The following GRIK3 variants were observed in gnomAD, a reference collection of about 807,000 sequenced individuals.
GRIK3 encodes glutamate receptor ionotropic, kainate 3.
A neutral mutation model predicts 102.5 loss-of-function variants in GRIK3; 29 were observed. The observed-to-expected ratio is 0.28, with a 90% CI of 0.21 to 0.39. The LOEUF is 0.39. GRIK3 is among the 10% of genes least tolerant of loss of function. GRIK3 has a pLI of 1.00. For missense variants in GRIK3, 908 were observed against 1,252.4 expected (o/e 0.73, Z 4.15); for synonymous variants, 511 against 504.9 (o/e 1.01, Z -0.16).
intron 1 of GRIK3, among the ~76,000 whole-genome samples, chr1:37,014,811 C>T (rs1176115320): frequency 6.6e-6 from 1 of 151,498 alleles, no homozygotes; most frequent in African/African-American, 2.4e-5. Flanking sequence ...ATCCCAGTAA[C>T]AGAACCCATT....
At chr1:36,919,534 C>T (rs772053223) in intron 1 of GRIK3, among the ~76,000 whole-genome samples, 3 of 152,084 alleles carry the variant, frequency 2.0e-5, no homozygotes, top group Non-Finnish European at 4.4e-5. Flanking sequence ...GCAGCAGGAA[C>T]GAGCCTGCTG....
rs1641117577 is a variant in GRIK3 at position 36,891,599 on chromosome 1, G to T, written c.116-503C>A. ...AATGCATAATAAAATAGCACCAGAA[G>T]AAATACTTCCTTGAAACTTTTTTAG... On this transcript the variant is annotated intron_variant, in intron 1 of 15. Coordinates refer to ENST00000373091, the MANE Select transcript of GRIK3 (RefSeq NM_000831.4). 2.0e-5 allele frequency among the ~76,000 whole-genome samples: 3 copies of T among 152,110 alleles called. No homozygotes were observed. In the South Asian group the frequency reaches 6.2e-4, roughly 31 times the overall value.
chr1:37,005,078 C>T (rs776063569), intron 1 of GRIK3, among the ~76,000 whole-genome samples: 7 of 152,192 alleles, frequency 4.6e-5, no homozygotes, highest in Non-Finnish European at 8.8e-5. Context: ...TGAGAGAACC[C>T]TCAATTCTAT....
intron 1 of GRIK3, among the ~76,000 whole-genome samples, chr1:36,971,969 C>G (rs999351460): frequency 2.0e-5 from 3 of 152,224 alleles, no homozygotes; most frequent in African/African-American, 7.2e-5. Context: ...AACCACTCCC[C>G]AGGGCCTGGC....
At chr1:36,811,713 CTT>C (rs1157670570) in intron 13 of GRIK3, among the ~76,000 whole-genome samples, 1 of 152,168 alleles carries the variant, frequency 6.6e-6, no homozygotes, top group Non-Finnish European at 1.5e-5. Flanking sequence ...CAGCCTGCCT[CTT>C]TGGTTTCTGT....
intron 1 of GRIK3, among the ~76,000 whole-genome samples, chr1:36,948,572 A>G (rs1641808893): frequency 6.6e-6 from 1 of 152,204 alleles, no homozygotes; most frequent in Non-Finnish European, 1.5e-5. Context: ...GGAAAATCAG[A>G]AAAAGGGAGA....
rs537437693 is a variant in GRIK3, at chr1:36,834,006, T to A, written c.1530+7730A>T. 3.9e-5 allele frequency among the ~76,000 whole-genome samples: 6 copies of A among 152,314 alleles called. No individual in the cohort carries two copies. The South Asian group carries it at 1.2e-3, about 32-fold the overall frequency. ...ACTGCTCTCTGATCTACAGGACCTGTCAGCCCAGGCCCCAGTCTGGGAACC... is the reference window on the plus strand; with the variant it reads ...ACTGCTCTCTGATCTACAGGACCTGACAGCCCAGGCCCCAGTCTGGGAACC... On this transcript the variant is annotated intron_variant, in intron 10 of 15. Transcript: ENST00000373091.
chr1:37,008,083 C>G (rs1642551164), intron 1 of GRIK3, among the ~76,000 whole-genome samples: 1 of 152,198 alleles, frequency 6.6e-6, no homozygotes, highest in Non-Finnish European at 1.5e-5. Context: ...CTTCTCTGAC[C>G]ACCACATATG....
At chr1:36,919,265 G>T (rs1018719992) in intron 1 of GRIK3, among the ~76,000 whole-genome samples, 4 of 151,354 alleles carry the variant, frequency 2.6e-5, no homozygotes, top group African/African-American at 9.8e-5. Context: ...CAGTGTTCAA[G>T]GGGAAGAAAA....
At chr1:36,856,390 G>A (rs926800659) in intron 7 of GRIK3, among the ~76,000 whole-genome samples, 7 of 152,212 alleles carry the variant, frequency 4.6e-5, no homozygotes, top group Non-Finnish European at 1.0e-4. Context: ...TGCGCTGCCC[G>A]CCCCCTCTAG....
rs950527835 is a variant in GRIK3, at chr1:36,850,320, G to A, written c.1317C>T (p.Thr439=). 6.3e-7 allele frequency: 1 copy of A among 1,599,222 alleles called. No individual in the cohort carries two copies. Among genetic ancestry groups the A allele is most frequent in the Non-Finnish European group, 8.6e-7 (1 of 1,166,368 alleles). Residue 439 remains threonine (T), a synonymous_variant, in exon 9 of 16, where the codon ACC becomes ACT. Transcript: ENST00000373091. This position sits in a 1 kb window ranked among gnomAD's most constrained non-coding sequence, Gnocchi z 4.0. ...DSLTNRSLIV[T]TVLEEPFVMF... ...GGCTGCAGGCTCTTACCAGCACTGT[G>A]GTGACAATGAGTGATCTGTTTGTCA...
chr1:36,805,468 C>T (rs1201863428), intron 14 of GRIK3, among the ~76,000 whole-genome samples: 2 of 152,174 alleles, frequency 1.3e-5, no homozygotes, highest in East Asian at 3.9e-4. Context: ...CTGTGGGCTC[C>T]CTGAAGTCCC....
chr1:36,860,955 T>C (rs1640716785), intron 5 of GRIK3, among the ~76,000 whole-genome samples: 1 of 152,220 alleles, frequency 6.6e-6, no homozygotes. Flanking sequence ...TTGACTTCAT[T>C]GTCAGCTACT....
chr1:36,873,827 C>T (rs1570773114), intron 3 of GRIK3, among the ~76,000 whole-genome samples: 1 of 152,150 alleles, frequency 6.6e-6, no homozygotes, highest in Non-Finnish European at 1.5e-5. Context: ...TGTGTTAGAA[C>T]AACTGGCACA....
chr1:37,024,742 CAAA>C (rs11314211), intron 1 of GRIK3, among the ~76,000 whole-genome samples: 5 of 71,028 alleles, frequency 7.0e-5, no homozygotes, highest in African/African-American at 2.0e-4. Context: ...GACTCCATCT[CAAA>C]AAAAAAAAAA....
At chr1:36,826,857 G>T (rs1389200705) in intron 10 of GRIK3, among the ~76,000 whole-genome samples, 2 of 152,038 alleles carry the variant, frequency 1.3e-5, no homozygotes, top group African/African-American at 4.8e-5. Flanking sequence ...TTTGGTCTGA[G>T]ATTTTCCTGA....
chr1:36,944,791 C>A (rs1046161746), intron 1 of GRIK3, among the ~76,000 whole-genome samples: 1 of 152,182 alleles, frequency 6.6e-6, no homozygotes, highest in African/African-American at 2.4e-5. Flanking sequence ...GGAGAACAAC[C>A]ACCTTGACGT....
chr1:37,027,815 C>A (rs1222353947), intron 1 of GRIK3, among the ~76,000 whole-genome samples: 2 of 151,888 alleles, frequency 1.3e-5, no homozygotes, highest in Non-Finnish European at 2.9e-5. Context: ...CTGGCAGCCA[C>A]CATTATCCCA....
intron 2 of GRIK3, among the ~76,000 whole-genome samples, chr1:36,882,198 G>A (rs1362095925): frequency 6.6e-6 from 1 of 152,206 alleles, no homozygotes; most frequent in Non-Finnish European, 1.5e-5. Flanking sequence ...TGATCTATGT[G>A]GTTTACTGCT....
Sources: gnomAD v4.1 joint callset for allele counts (sites outside exome capture counted in the v4.1 genomes callset) on GRCh38, gnomAD v4.1.1 for gene constraint, Gnocchi (gnomAD v3.1) non-coding constraint, MANE v1.5 for transcripts, NCBI Gene and HGNC (gene_info 2026-07-23, HGNC 2026-07-21) for gene names.